ATM: variants seen among roughly 807,000 people sequenced by gnomAD.
ATM encodes serine-protein kinase ATM.
Under a neutral mutation model 387.0 loss-of-function variants are expected in ATM, and 308 were observed. The ratio of observed to expected loss-of-function variants is 0.80; its 90% CI spans 0.73 to 0.87. The LOEUF (loss-of-function observed/expected upper bound fraction) is 0.87, where lower values mean the gene tolerates loss of function less well. Among genes scored for constraint, ATM ranks in the 40% least tolerant of loss-of-function variants. The pLI, the probability that ATM is intolerant of heterozygous loss-of-function variation, is 0.00. For missense variants in ATM, 3,312 were observed against 3,560.9 expected, an observed-to-expected ratio of 0.93 and a Z score of 1.78; for synonymous variants, 1,156 against 1,187.3, an observed-to-expected ratio of 0.97 and a Z score of 0.54.
chr11:108,291,511 A>G (rs1206738836), intron 29 of ATM, among the ~76,000 whole-genome samples: 1 of 152,162 alleles, frequency 6.6e-6, no homozygotes, highest in African/African-American at 2.4e-5. Flanking sequence ...ATAACTCCAC[A>G]TTCCTCCTCC....
At chr11:108,324,948 G>GT (rs2085498196) in intron 45 of ATM, among the ~76,000 whole-genome samples, 1 of 152,278 alleles carries the variant, frequency 6.6e-6, no homozygotes, top group African/African-American at 2.4e-5. Flanking sequence ...ACTACAGGCA[G>GT]TATTGAAGCA....
chr11:108,320,075 A>T lies in ATM; in HGVS notation c.6452+17A>T, dbSNP rs371044809. 12 of 1,518,922 alleles carry T rather than the reference A, an allele frequency of 7.9e-6. No homozygotes were observed. The East Asian group carries it at 2.5e-4, about 31-fold the overall frequency. 94.1% of individuals were successfully genotyped at this position (1,518,922 alleles called of 1,614,324 possible). A position where few individuals can be genotyped will look rare whatever the true frequency, so the allele number is the denominator to read the frequency against. On this transcript the variant is annotated intron_variant, in intron 44 of 62. Coordinates refer to ENST00000675843, the MANE Select transcript of ATM (RefSeq NM_000051.4). ...ATATGCCAGGTATTATGAAAAGACAAAGTTACTGTATTTTAACATTTAATG... is the reference window on the plus strand; with the variant it reads ...ATATGCCAGGTATTATGAAAAGACATAGTTACTGTATTTTAACATTTAATG...
At chr11:108,264,696 C>T (rs2081115776) in intron 16 of ATM, among the ~76,000 whole-genome samples, 1 of 137,496 alleles carries the variant, frequency 7.3e-6, no homozygotes, top group Admixed American at 7.7e-5. Flanking sequence ...CAAATTGTCC[C>T]TGTTTGCAGA....
In ATM at chr11:108,293,451, A is replaced by C; in HGVS notation, c.4750A>C (p.Ser1584Arg). ...TATTACTCAGCAAAAAATCAAATACAGTAGAGGACCCTTTTCACTCTTGGA... is the reference window on the plus strand; with the variant it reads ...TATTACTCAGCAAAAAATCAAATACCGTAGAGGACCCTTTTCACTCTTGGA... Reference protein sequence around the residue: ...LRITQQKIKYSRGPFSLLEEI... With the variant: ...LRITQQKIKYRRGPFSLLEEI... The change falls in exon 31 of 63, where the codon AGT (serine) becomes CGT (arginine). Residue 1584 changes from serine (S) to arginine (R), a missense_variant. Transcript: ENST00000675843. The C allele has an allele frequency of 1.9e-6, 3 of 1,612,630 alleles. No homozygotes were observed. Among genetic ancestry groups the C allele is most frequent in the Non-Finnish European group, 2.5e-6 (3 of 1,179,024 alleles).
chr11:108,252,293 T>G (rs2080197527), intron 11 of ATM, among the ~76,000 whole-genome samples: 2 of 152,236 alleles, frequency 1.3e-5, no homozygotes, highest in South Asian at 4.1e-4. Context: ...AGCATTTATG[T>G]GTTCCTTTCT....
chr11:108,336,735 T>C (rs2086899526), intron 56 of ATM, among the ~76,000 whole-genome samples: 1 of 152,238 alleles, frequency 6.6e-6, no homozygotes, highest in Non-Finnish European at 1.5e-5. Flanking sequence ...CTGGTACATA[T>C]TGCCAAATTA....
intron 26 of ATM, among the ~76,000 whole-genome samples, chr11:108,285,704 TG>T (rs2082456204): frequency 6.6e-6 from 1 of 152,012 alleles, no homozygotes; most frequent in Non-Finnish European, 1.5e-5. Context: ...CAGAACTGGT[TG>T]TAAGTCTGCA....
At chr11:108,250,093 A>G (rs915161386) in intron 9 of ATM, among the ~76,000 whole-genome samples, 2 of 151,558 alleles carry the variant, frequency 1.3e-5, no homozygotes, top group Non-Finnish European at 2.9e-5. Flanking sequence ...TCGTTTGGTG[A>G]CTAAAGAGCA....
In ATM at chr11:108,267,253, A is replaced by T. The variant is rs876660456; in HGVS notation, c.2549A>T (p.Glu850Val). Residue 850 changes from glutamate to valine, a missense_variant, in exon 17 of 63, where the codon GAG (glutamate) becomes GTG (valine). Around this residue, in one of 4 missense-constraint regions of ATM, gnomAD observed 1,791 missense variants for 1,804.5 expected, o/e 0.99. Coordinates refer to ENST00000675843, the MANE Select transcript of ATM (RefSeq NM_000051.4). The stretch of plus-strand genomic sequence containing the variant: ...ACTAATGGAAATCTAATGGAGGTGG[A>T]GGATCAGTCATCCATGAATCTATTT... The part of the protein sequence containing the change: ...DDTNGNLMEV[E>V]DQSSMNLFND... 6.2e-7 allele frequency: 1 copy of T among 1,614,068 alleles called. No homozygotes were observed. The highest frequency in any genetic ancestry group is 8.5e-7 in the Non-Finnish European group (1 of 1,179,924).
At chr11:108,267,714 G>A (rs549570902) in intron 17 of ATM, among the ~76,000 whole-genome samples, 1 of 151,494 alleles carries the variant, frequency 6.6e-6, no homozygotes, top group Admixed American at 6.6e-5. Context: ...AAAATTAGAT[G>A]GGCGTGGTGG....
chr11:108,309,122 A>C (rs2083925150), intron 38 of ATM: 2 of 1,025,704 alleles, frequency 1.9e-6, no homozygotes, highest in Non-Finnish European at 2.9e-6. Flanking sequence ...ACATGCATTC[A>C]AGTCCAAGCT....
At chr11:108,358,178 T>G (rs1044169635) in intron 61 of ATM, among the ~76,000 whole-genome samples, 1 of 151,388 alleles carries the variant, frequency 6.6e-6, no homozygotes. Flanking sequence ...TGCGATCAAC[T>G]GGAAGAAAGG....
At chr11:108,322,666 T>C (rs922781099) in intron 45 of ATM, among the ~76,000 whole-genome samples, 1 of 152,198 alleles carries the variant, frequency 6.6e-6, no homozygotes, top group African/African-American at 2.4e-5. Flanking sequence ...ATAAGTTGAT[T>C]AGCCCTAGAG....
At chr11:108,353,228 A>G (rs1324189435) in intron 59 of ATM, among the ~76,000 whole-genome samples, 2 of 151,888 alleles carry the variant, frequency 1.3e-5, no homozygotes, top group South Asian at 2.1e-4. Context: ...AGCTCCATGT[A>G]TCCTTCACCT....
intron 4 of ATM, 69 bp downstream of exon 4, chr11:108,229,392 T>C (rs2078901563): frequency 1.9e-5 from 27 of 1,452,448 alleles, no homozygotes; most frequent in East Asian, 2.4e-5. Flanking sequence ...TTTTTTTTTT[T>C]CAGATCATTT....
chr11:108,255,342 TACCCTGTAGGAACAAAA>T (rs1378433239), intron 13 of ATM, among the ~76,000 whole-genome samples: 1 of 151,808 alleles, frequency 6.6e-6, no homozygotes, highest in Non-Finnish European at 1.5e-5. Flanking sequence ...TGCCGTTTCC[TACCCTGTAGGAACAAAA>T]AAAATCTGAA....
At position 108,365,228 on chromosome 11, in the gene ATM, A is replaced by G. The variant is rs1060504308; in HGVS notation, c.8987+10A>G. Reference sequence around the variant, plus strand: ...GCAAACGAAATCTCAGGTGAGCAGTATTTTAAGAAGGTCCTGTTGTCAGTT... The same window carrying G: ...GCAAACGAAATCTCAGGTGAGCAGTGTTTTAAGAAGGTCCTGTTGTCAGTT... On this transcript the variant is annotated intron_variant, in intron 62 of 62. Transcript: ENST00000675843. The G allele has an allele frequency of 7.4e-6, 12 of 1,614,222 alleles. No homozygotes were observed. Among genetic ancestry groups the G allele is most frequent in the Non-Finnish European group, 9.3e-6 (11 of 1,180,040 alleles).
At position 108,366,464 on chromosome 11, in the gene ATM, C is replaced by T. The variant is rs1191231512; in HGVS notation, c.*956C>T. 1 of 222,818 alleles carries T rather than the reference C, an allele frequency of 4.5e-6. No homozygotes were observed. Among genetic ancestry groups the T allele is most frequent in the Non-Finnish European group, 8.9e-6 (1 of 111,780 alleles). 13.8% of individuals were successfully genotyped at this position (222,818 alleles called of 1,614,324 possible). On this transcript the variant is annotated 3_prime_UTR_variant, in exon 63 of 63. Transcript: ENST00000675843. ...GTACTTGATAGACACTGTAATAGTTCTATTAAATTTAGTTCCTGCTGTTTA... is the reference window on the plus strand; with the variant it reads ...GTACTTGATAGACACTGTAATAGTTTTATTAAATTTAGTTCCTGCTGTTTA...
rs587782451 is a variant in ATM, at chr11:108,347,318, A to C, written c.8624A>C (p.Asn2875Thr). The C allele has an allele frequency of 6.2e-7, 1 of 1,611,678 alleles. No individual in the cohort carries two copies. The highest frequency in any genetic ancestry group is 8.5e-7 in the Non-Finnish European group (1 of 1,178,112). Residue 2875 changes from asparagine (N) to threonine (T), a missense_variant, in exon 59 of 63, where the codon AAT becomes ACT. By Grantham distance (65) the Asn-to-Thr change is moderately conservative. Around this residue, in one of 4 missense-constraint regions of ATM, gnomAD observed 1,405 missense variants for 1,604.4 expected, o/e 0.88. Coordinates refer to ENST00000675843, the MANE Select transcript of ATM (RefSeq NM_000051.4). The stretch of plus-strand genomic sequence containing the variant: ...GGACTTGGTGATAGACATGTACAGA[A>C]TATCTTGATAAATGAGCAGTCAGCA... Reference protein sequence around the residue: ...ILGLGDRHVQNILINEQSAEL... With the variant: ...ILGLGDRHVQTILINEQSAEL...
Sources: allele counts gnomAD v4.1 joint callset (sites outside exome capture counted in the v4.1 genomes callset), GRCh38; gene constraint gnomAD v4.1.1; regional missense constraint gnomAD v4.1.1; transcripts MANE v1.5; gene names NCBI Gene and HGNC (gene_info 2026-07-23, HGNC 2026-07-21).